The following RAPGEF5 variants were observed in gnomAD, a reference collection of about 807,000 sequenced individuals.
RAPGEF5 encodes the protein M-Ras-regulated GEF.
In RAPGEF5, 65 loss-of-function variants were observed where a neutral mutation model predicts 125.2. The observed-to-expected ratio is 0.52, with a 90% CI of 0.43 to 0.64. RAPGEF5 has a LOEUF of 0.64. RAPGEF5 is among the 30% of genes least tolerant of loss of function. The pLI, the probability that RAPGEF5 is intolerant of heterozygous loss-of-function variation, is 0.00. For synonymous variants in RAPGEF5, 391 were observed against 385.9 expected, an observed-to-expected ratio of 1.01 and a Z score of -0.16; for missense variants, 958 against 1,048.1, an observed-to-expected ratio of 0.91 and a Z score of 1.19.
chr7:22,296,547 T>G (rs1255417618), intron 5 of RAPGEF5, among the ~76,000 whole-genome samples: 1 of 151,672 alleles, frequency 6.6e-6, no homozygotes, highest in African/African-American at 2.4e-5. Context: ...GGAGCTGGGG[T>G]GATTAGGGCA....
chr7:22,328,975 G>A (rs1783863116), intron 1 of RAPGEF5, among the ~76,000 whole-genome samples: 1 of 152,148 alleles, frequency 6.6e-6, no homozygotes, highest in Non-Finnish European at 1.5e-5. Flanking sequence ...CACTATACAG[G>A]GGGAAAGTCA....
chr7:22,273,420 A>T (rs375048514), intron 6 of RAPGEF5, among the ~76,000 whole-genome samples: 4 of 150,956 alleles, frequency 2.6e-5, no homozygotes. Context: ...GGGTTTCACC[A>T]TGTTAGCCAG....
At chr7:22,282,997 A>T (rs1210040522) in intron 6 of RAPGEF5, among the ~76,000 whole-genome samples, 1 of 152,060 alleles carries the variant, frequency 6.6e-6, no homozygotes, top group Admixed American at 6.6e-5. Context: ...AGAACACAAA[A>T]TAAAATATTT....
At chr7:22,337,602 T>G in intron 1 of RAPGEF5, among the ~76,000 whole-genome samples, 1 of 152,202 alleles carries the variant, frequency 6.6e-6, no homozygotes, top group East Asian at 1.9e-4. Flanking sequence ...ACTAAATTTC[T>G]CCCAAAGTTA....
intron 11 of RAPGEF5, among the ~76,000 whole-genome samples, chr7:22,172,676 C>G (rs1784386496): frequency 6.6e-6 from 1 of 152,050 alleles, no homozygotes; most frequent in African/African-American, 2.4e-5. Context: ...TAAATGTAAT[C>G]AAATTTTAAA....
At chr7:22,154,766 G>A (rs1311563545) in intron 16 of RAPGEF5, among the ~76,000 whole-genome samples, 162 bp from the exon 17 acceptor site, 1 of 152,160 alleles carries the variant, frequency 6.6e-6, no homozygotes, top group Non-Finnish European at 1.5e-5. Flanking sequence ...ATGTACATGA[G>A]CACCTGAGGG....
chr7:22,229,804 C>T (rs1477003013), intron 8 of RAPGEF5, among the ~76,000 whole-genome samples: 1 of 152,178 alleles, frequency 6.6e-6, no homozygotes, highest in African/African-American at 2.4e-5. Context: ...AGGCCTATAA[C>T]ACTCATAATG....
intron 9 of RAPGEF5, among the ~76,000 whole-genome samples, chr7:22,215,718 T>A (rs1342903766): frequency 6.6e-6 from 1 of 152,222 alleles, no homozygotes; most frequent in Non-Finnish European, 1.5e-5. Context: ...GGCACACATA[T>A]TGCAGCAAAT....
At chr7:22,139,962 A>G in intron 21 of RAPGEF5, 63 bp downstream of exon 21, 1 of 1,371,046 alleles carries the variant, frequency 7.3e-7, no homozygotes. Flanking sequence ...TATCTCATTT[A>G]ATCCATGTAA....
intron 7 of RAPGEF5, among the ~76,000 whole-genome samples, chr7:22,258,405 G>A (rs551623837): frequency 1.3e-5 from 2 of 152,206 alleles, no homozygotes; most frequent in East Asian, 3.9e-4. Flanking sequence ...CAAATCACCT[G>A]AGGTTGGGAG....
intron 3 of RAPGEF5, among the ~76,000 whole-genome samples, chr7:22,310,923 T>C (rs1444602410): frequency 6.6e-6 from 1 of 152,160 alleles, no homozygotes; most frequent in Non-Finnish European, 1.5e-5. Flanking sequence ...ACTTTTCAGA[T>C]ACATATGAGC....
At chr7:22,345,101 A>T (rs1171460414) in intron 1 of RAPGEF5, among the ~76,000 whole-genome samples, 1 of 152,236 alleles carries the variant, frequency 6.6e-6, no homozygotes, top group African/African-American at 2.4e-5. Context: ...TGTTTTAACA[A>T]GCCCTCCAGG....
intron 7 of RAPGEF5, among the ~76,000 whole-genome samples, chr7:22,242,947 C>CAAAAAAAAA (rs537954162): frequency 3.0e-5 from 2 of 65,706 alleles, no homozygotes; most frequent in Admixed American, 1.7e-4. Context: ...AACTCCGTCT[C>CAAAAAAAAA]AAAAAAAAAA....
At chr7:22,345,853 T>C (rs4602791) in intron 1 of RAPGEF5, among the ~76,000 whole-genome samples, 30,061 of 152,072 alleles carry the variant, frequency 0.2, 3,058 homozygotes, top group Non-Finnish European at 0.21. Flanking sequence ...ACACCTCTCC[T>C]AGAATTCTGT....
At chr7:22,151,822 T>G (rs1783639602) in intron 17 of RAPGEF5, among the ~76,000 whole-genome samples, 1 of 152,232 alleles carries the variant, frequency 6.6e-6, no homozygotes, top group Non-Finnish European at 1.5e-5. Flanking sequence ...ATTCTCTGTT[T>G]ACTTTGTGTT....
intron 6 of RAPGEF5, 55 bp downstream of exon 6, chr7:22,291,120 G>C (rs1398451466): frequency 2.7e-6 from 4 of 1,508,404 alleles, no homozygotes; most frequent in Non-Finnish European, 3.5e-6. Flanking sequence ...TTCCCTTCTA[G>C]GACCCCAGCT....
At chr7:22,182,392 T>C (rs1562745540) in intron 11 of RAPGEF5, among the ~76,000 whole-genome samples, 1 of 152,176 alleles carries the variant, frequency 6.6e-6, no homozygotes. Flanking sequence ...AATTACTAGG[T>C]TGTCAAACCC....
At chr7:22,190,505 AAT>A (rs1784959903) in intron 11 of RAPGEF5, among the ~76,000 whole-genome samples, 1 of 152,330 alleles carries the variant, frequency 6.6e-6, no homozygotes, top group African/African-American at 2.4e-5. Flanking sequence ...TTGCTGATAG[AAT>A]ACTATATGAA....
At chr7:22,239,490 T>C (rs544096372) in intron 7 of RAPGEF5, among the ~76,000 whole-genome samples, 2 of 152,190 alleles carry the variant, frequency 1.3e-5, no homozygotes, top group South Asian at 2.1e-4. Flanking sequence ...AGATACTCCA[T>C]GCTCAGCACA....
Sources: allele counts gnomAD v4.1 joint callset (sites outside exome capture counted in the v4.1 genomes callset), GRCh38; gene constraint gnomAD v4.1.1; transcripts MANE v1.5; gene names NCBI Gene and HGNC (gene_info 2026-07-23, HGNC 2026-07-21).